RRP15: variants seen among roughly 807,000 people sequenced by gnomAD.
RRP15 encodes RRP15-like protein.
RRP15 carries 18 observed loss-of-function variants against 27.1 expected under a neutral mutation model. The ratio of observed to expected loss-of-function variants is 0.66; its 90% CI spans 0.46 to 0.98. The LOEUF is 0.98. Among genes scored for constraint, RRP15 ranks in the 50% least tolerant of loss-of-function variants. The pLI is 0.00. For missense variants in RRP15, 359 were observed against 337.8 expected, an observed-to-expected ratio of 1.06 and a Z score of -0.49; for synonymous variants, 107 against 109.4, an observed-to-expected ratio of 0.98 and a Z score of 0.14.
chr1:218,293,760 T>C (rs1447262583), intron 1 of RRP15, among the ~76,000 whole-genome samples: 1 of 152,142 alleles, frequency 6.6e-6, no homozygotes, highest in Non-Finnish European at 1.5e-5. Context: ...AACTCAAGTA[T>C]TGTTTGTTAG....
At chr1:218,296,370 A>G (rs376297067) in intron 1 of RRP15, among the ~76,000 whole-genome samples, 3 of 152,162 alleles carry the variant, frequency 2.0e-5, no homozygotes, top group African/African-American at 2.4e-5. Flanking sequence ...ATGTTGTGAA[A>G]TGAGCTGGGT....
chr1:218,307,559 T>C lies in RRP15; in HGVS notation c.632T>C (p.Ile211Thr). ...LISTVSKKDF[I>T]SVLRGMDGST... ...TCAACTGTTTCCAAGAAAGATTTCA[T>C]CAGTGTTTTGAGAGGGATGGATGGA... Residue 211 changes from isoleucine (I) to threonine (T), a missense_variant, in exon 4 of 5, where the codon ATC becomes ACC. Ile to Thr is a moderately conservative substitution (Grantham distance 89, BLOSUM62 -1). Coordinates refer to ENST00000366932, the MANE Select transcript of RRP15 (RefSeq NM_016052.4). 1 of 1,614,038 alleles carries C rather than the reference T, an allele frequency of 6.2e-7. No individual in the cohort carries two copies. The highest frequency in any genetic ancestry group is 8.5e-7 in the Non-Finnish European group (1 of 1,179,948).
chr1:218,289,436 TA>T (rs1655599604), intron 1 of RRP15, among the ~76,000 whole-genome samples: 1 of 152,226 alleles, frequency 6.6e-6, no homozygotes, highest in African/African-American at 2.4e-5. Context: ...TTAGATCATA[TA>T]TTTTTGGTAA....
chr1:218,301,040 A>G (rs1057119888), intron 1 of RRP15, among the ~76,000 whole-genome samples: 1 of 152,212 alleles, frequency 6.6e-6, no homozygotes, highest in Non-Finnish European at 1.5e-5. Flanking sequence ...TACTTAAACT[A>G]CTAATATTGT....
intron 1 of RRP15, among the ~76,000 whole-genome samples, chr1:218,296,023 G>C (rs1485155914): frequency 1.3e-5 from 2 of 152,108 alleles, no homozygotes; most frequent in East Asian, 3.9e-4. Context: ...TGAATGGGGA[G>C]CAGTAGTTTT....
intron 1 of RRP15, among the ~76,000 whole-genome samples, chr1:218,292,254 T>C (rs1442068392): frequency 6.6e-6 from 1 of 152,230 alleles, no homozygotes; most frequent in Non-Finnish European, 1.5e-5. Flanking sequence ...TGTTGATTCA[T>C]TAACATTTGA....
At chr1:218,316,021 G>A (rs2102508401) in intron 4 of RRP15, among the ~76,000 whole-genome samples, 1 of 152,224 alleles carries the variant, frequency 6.6e-6, no homozygotes, top group Non-Finnish European at 1.5e-5. Flanking sequence ...ACTGTTGATG[G>A]GAATGGTTTT....
chr1:218,321,885 G>A (rs1656193012), intron 4 of RRP15, among the ~76,000 whole-genome samples: 1 of 150,588 alleles, frequency 6.6e-6, no homozygotes, highest in Non-Finnish European at 1.5e-5. Context: ...TTGTGTGGGT[G>A]CTCCAAGTAT....
At position 218,291,692 on chromosome 1, in the gene RRP15, C is replaced by T. The variant is rs143381920; in HGVS notation, c.139+6237C>T. Among the ~76,000 whole-genome samples the T allele has an allele frequency of 1.5e-3, 225 of 151,662 alleles. 3 individuals carry two copies. In the East Asian group the frequency reaches 0.038, roughly 26 times the overall value. Reference sequence around the variant, plus strand: ...TACTACAGGCACGTGCCACCACGCCCGGCTAATTTTTGTATTTTTAGTAGA... The same window carrying T: ...TACTACAGGCACGTGCCACCACGCCTGGCTAATTTTTGTATTTTTAGTAGA... On this transcript the variant is annotated intron_variant, in intron 1 of 4. Coordinates refer to ENST00000366932, the MANE Select transcript of RRP15 (RefSeq NM_016052.4).
In RRP15 at chr1:218,335,997, T is replaced by C. The variant is rs533845610; in HGVS notation, c.*4906T>C. The C allele has an allele frequency of 2.1e-4, 32 of 152,288 alleles. No homozygotes were observed. Among genetic ancestry groups the C allele is most frequent in the South Asian group, 1.5e-3 (7 of 4,820 alleles). The allele number at this position is 152,288 out of a possible 1,614,324, so 9.4% of individuals were successfully genotyped here. A position where few individuals can be genotyped will look rare whatever the true frequency, so the allele number is the denominator to read the frequency against. On this transcript the variant is annotated 3_prime_UTR_variant, in exon 5 of 5. Coordinates refer to ENST00000366932, the MANE Select transcript of RRP15 (RefSeq NM_016052.4). ...GAATTAATGCACCAAACCTTAAATA[T>C]TTTTGTTGTTCTCTAAAAGAATGGG... is the stretch of plus-strand genomic sequence containing the variant.
chr1:218,293,619 C>A (rs1330703283), intron 1 of RRP15, among the ~76,000 whole-genome samples: 1 of 152,192 alleles, frequency 6.6e-6, no homozygotes, highest in Non-Finnish European at 1.5e-5. Context: ...TAGTAAGACG[C>A]TACTTGAGTT....
chr1:218,315,575 A>G (rs1357434750), intron 4 of RRP15, among the ~76,000 whole-genome samples: 1 of 151,060 alleles, frequency 6.6e-6, no homozygotes, highest in Non-Finnish European at 1.5e-5. Flanking sequence ...TTACAGGCGC[A>G]TGCCACCGCA....
rs1463351512 is a variant in RRP15 at position 218,336,654 on chromosome 1, A to G, written c.*5563A>G. ...GCTCTGAAAACAGTGCAGCAGCCAG[A>G]CTCAGCAGTTGCCCTGAAATACTGA... On this transcript the variant is annotated 3_prime_UTR_variant, in exon 5 of 5. Coordinates refer to ENST00000366932, the MANE Select transcript of RRP15 (RefSeq NM_016052.4). 6.6e-6 allele frequency: 1 copy of G among 152,550 alleles called. No individual in the cohort carries two copies. The highest frequency in any genetic ancestry group is 1.5e-5 in the Non-Finnish European group (1 of 68,056). The allele number at this position is 152,550 out of a possible 1,614,324, so 9.4% of individuals were successfully genotyped here.
At chr1:218,286,726 A>G (rs1430583866) in intron 1 of RRP15, among the ~76,000 whole-genome samples, 1 of 152,204 alleles carries the variant, frequency 6.6e-6, no homozygotes, top group African/African-American at 2.4e-5. Flanking sequence ...CTGGACTTCC[A>G]GGACCAAGAA....
Position 218,302,482 on chromosome 1 carries a change from A to G in RRP15, c.328A>G (p.Thr110Ala), listed in dbSNP as rs147190181. 6.2e-7 allele frequency: 1 copy of G among 1,614,150 alleles called. No individual in the cohort carries two copies. Among genetic ancestry groups the G allele is most frequent in the Non-Finnish European group, 8.5e-7 (1 of 1,180,008 alleles). Residue 110 changes from threonine (T) to alanine (A), a missense_variant, in exon 2 of 5, where the codon ACT (threonine) becomes GCT (alanine). Physicochemically the swap from Thr to Ala is moderately conservative, Grantham distance 58 (BLOSUM62 0). Transcript: ENST00000366932. ...CAAGAAAACTCCTGAAAGTAAACCT[A>G]CTATTCTGGTCAAAAATAAGAAGCT... ...LNKKTPESKP[T>A]ILVKNKKLEK...
intron 4 of RRP15, among the ~76,000 whole-genome samples, chr1:218,314,553 T>C (rs1172760826): frequency 6.6e-6 from 1 of 152,202 alleles, no homozygotes; most frequent in Non-Finnish European, 1.5e-5. Context: ...AAGCATTGGC[T>C]TTACTTGTAC....
chr1:218,329,399 G>A (rs897121036), intron 4 of RRP15, among the ~76,000 whole-genome samples: 1 of 152,054 alleles, frequency 6.6e-6, no homozygotes, highest in African/African-American at 2.4e-5. Context: ...CAGCCTGGGT[G>A]ACAGAGTGAA....
chr1:218,285,701 A>G (rs1224538472), intron 1 of RRP15, among the ~76,000 whole-genome samples: 1 of 152,140 alleles, frequency 6.6e-6, no homozygotes, highest in Admixed American at 6.5e-5. Context: ...ATTATTAATT[A>G]TAATAAAATG....
rs764665397 is a variant in RRP15 at position 218,307,630 on chromosome 1, C to G, written c.703C>G (p.Gln235Glu). ...AAGCAGGAAGAAACCAAAAGCCAAA[C>G]AGGTAAAAACTTTTCTATAGGATTC... ...ASSRKKPKAK[Q>E]TEVKSEEGPG... The change falls in exon 4 of 5, where the codon CAG (glutamine) becomes GAG (glutamate). Residue 235 changes from glutamine (Q) to glutamate (E), a missense_variant and splice_region_variant. By Grantham distance (29) the Gln-to-Glu change is conservative (BLOSUM62 2). Transcript: ENST00000366932. The G allele has an allele frequency of 3.1e-6, 5 of 1,609,914 alleles. No homozygotes were observed. The East Asian group carries it at 8.9e-5, about 29-fold the overall frequency.
Sources: gnomAD v4.1 joint callset for allele counts (sites outside exome capture counted in the v4.1 genomes callset) on GRCh38, gnomAD v4.1.1 for gene constraint, MANE v1.5 for transcripts, NCBI Gene and HGNC (gene_info 2026-07-23, HGNC 2026-07-21) for gene names.